Variants in WNT2 observed in about 807,000 individuals in gnomAD.
WNT2 encodes the protein Wnt family member 2, also known as protein Wnt-2.
In WNT2, 12 loss-of-function variants were observed where a neutral mutation model predicts 36.9. That is an observed-to-expected ratio of 0.33 (90% CI 0.21 to 0.53). The LOEUF (loss-of-function observed/expected upper bound fraction) is 0.53. WNT2 is among the 20% of genes least tolerant of loss of function. The pLI is 0.95. For missense variants in WNT2, 379 were observed against 473.1 expected (o/e 0.80, Z 1.84); for synonymous variants, 163 against 174.6 (o/e 0.93, Z 0.52).
At chr7:117,308,573 A>C (rs1186713624) in intron 3 of WNT2, among the ~76,000 whole-genome samples, 2 of 152,222 alleles carry the variant, frequency 1.3e-5, no homozygotes, top group East Asian at 3.9e-4. Context: ...GACAGAAGTG[A>C]GCCTGGCAGA....
intron 4 of WNT2, among the ~76,000 whole-genome samples, chr7:117,281,668 G>T (rs895250837): frequency 6.6e-6 from 1 of 152,058 alleles, no homozygotes; most frequent in Non-Finnish European, 1.5e-5. Flanking sequence ...GCAGGGAGGA[G>T]GGCTGTTGGA....
At chr7:117,311,206 C>T (rs1026246641) in intron 3 of WNT2, among the ~76,000 whole-genome samples, 15 of 152,298 alleles carry the variant, frequency 9.8e-5, no homozygotes, top group African/African-American at 3.6e-4. Context: ...ACCACTTTTC[C>T]TTGTCGTTAA....
chr7:117,290,658 G>A (rs1794672404), intron 4 of WNT2, among the ~76,000 whole-genome samples: 1 of 152,198 alleles, frequency 6.6e-6, no homozygotes, highest in Admixed American at 6.5e-5. Context: ...TTATAACAGA[G>A]CAATGCAACA....
At chr7:117,293,878 G>A (rs1211761204) in intron 4 of WNT2, among the ~76,000 whole-genome samples, 5 of 152,088 alleles carry the variant, frequency 3.3e-5, no homozygotes. Context: ...ATCCCACTGA[G>A]TGAAAGGCAG....
At position 117,320,442 on chromosome 7, in the gene WNT2, G is replaced by A. The variant is rs77578820; in HGVS notation, c.310+125C>T. ...TCACCTGTAGAACAGGGACAATGAC[G>A]CCCAACTGAACAAACTTCTGATGGA... On this transcript the variant is annotated intron_variant, in intron 2 of 4. Coordinates refer to ENST00000265441, the MANE Select transcript of WNT2 (RefSeq NM_003391.3). 6.9e-4 allele frequency: 649 copies of A among 934,388 alleles called. 3 individuals carry two copies. The African/African-American group carries it at 9.1e-3, about 13-fold the overall frequency. 57.9% of individuals were successfully genotyped at this position (934,388 alleles called of 1,614,324 possible). A position where few individuals can be genotyped will look rare whatever the true frequency, so the allele number is the denominator to read the frequency against.
chr7:117,297,624 C>A lies in WNT2; in HGVS notation c.841G>T (p.Asp281Tyr). 1 of 1,609,230 alleles carries A rather than the reference C, an allele frequency of 6.2e-7. No individual in the cohort carries two copies. Among genetic ancestry groups the A allele is most frequent in the South Asian group, 1.1e-5 (1 of 90,976 alleles). The change falls in exon 4 of 5, where the codon GAC becomes TAC. Residue 281 changes from aspartate (D) to tyrosine (Y), a missense_variant. Physicochemically the swap from Asp to Tyr is radical, Grantham distance 160 (BLOSUM62 -3). Coordinates refer to ENST00000265441, the MANE Select transcript of WNT2 (RefSeq NM_003391.3). ...FENSPDYCIR[D>Y]REAGSLGTAG... is the part of the protein sequence containing the mutation. ...CTTTTGAACTTACCTGCCTCTCGGTCCCTGATACAGTAGTCTGGAGAATTC... is the reference window on the plus strand; with the variant it reads ...CTTTTGAACTTACCTGCCTCTCGGTACCTGATACAGTAGTCTGGAGAATTC...
intron 2 of WNT2, among the ~76,000 whole-genome samples, chr7:117,317,659 CA>C (rs1038612011): frequency 6.6e-6 from 1 of 152,208 alleles, no homozygotes; most frequent in Non-Finnish European, 1.5e-5. Flanking sequence ...ACAGCTATCA[CA>C]AAATGAAACA....
At chr7:117,279,929 C>T (rs958863431) in intron 4 of WNT2, among the ~76,000 whole-genome samples, 2 of 152,092 alleles carry the variant, frequency 1.3e-5, no homozygotes, top group African/African-American at 4.8e-5. Flanking sequence ...CTGACGATGC[C>T]TCGTGACTGT....
In WNT2 at chr7:117,322,536, T is replaced by TACAC. The variant is rs144898264; in HGVS notation, c.83+367_83+370dup. ...GCGGTTGTAGTTTTCAAGGTGAATT[T>TACAC]ACACACACACACACACACACACACA... On this transcript the variant is annotated intron_variant, in intron 1 of 4. Coordinates refer to ENST00000265441, the MANE Select transcript of WNT2 (RefSeq NM_003391.3). This position sits in a 1 kb window ranked among gnomAD's most constrained non-coding sequence, Gnocchi z 5.4. Among the ~76,000 whole-genome samples the TACAC allele has an allele frequency of 0.11, 14,352 of 127,772 alleles. 864 individuals are homozygous for TACAC. Among genetic ancestry groups the TACAC allele is most frequent in the East Asian group, 0.22 (913 of 4,208 alleles). The allele number at this position is 127,772 out of a possible 152,430, so 83.8% of individuals were successfully genotyped here.
At position 117,322,409 on chromosome 7, in the gene WNT2, A is replaced by G. The variant is rs117043842; in HGVS notation, c.83+498T>C. Among the ~76,000 whole-genome samples the G allele has an allele frequency of 5.9e-3, 890 of 151,572 alleles. 6 individuals carry two copies. Among genetic ancestry groups the G allele is most frequent in the Middle Eastern group, 0.027 (8 of 292 alleles). On this transcript the variant is annotated intron_variant, in intron 1 of 4. Transcript: ENST00000265441. This position sits in a 1 kb window ranked among gnomAD's most constrained non-coding sequence, Gnocchi z 5.4. Reference sequence around the variant, plus strand: ...GGAATGTGGAAGGACGGGAAATAATACAAAGTCACACGCTTTAGGTTCTAC... The same window carrying G: ...GGAATGTGGAAGGACGGGAAATAATGCAAAGTCACACGCTTTAGGTTCTAC...
intron 1 of WNT2, among the ~76,000 whole-genome samples, chr7:117,321,713 C>A (rs1364688463): frequency 6.6e-6 from 1 of 152,126 alleles, no homozygotes; most frequent in African/African-American, 2.4e-5. Context: ...AGCTGAGAGA[C>A]AATGTGACAA....
intron 4 of WNT2, 72 bp from the exon 5 acceptor site, chr7:117,278,456 A>T: frequency 7.0e-7 from 1 of 1,431,358 alleles, no homozygotes; most frequent in Non-Finnish European, 9.5e-7. Flanking sequence ...AGGAGGAGTC[A>T]CGAGGTCCAT....
intron 3 of WNT2, chr7:117,301,060 C>T (rs961977985): frequency 6.6e-6 from 1 of 151,862 alleles, no homozygotes; most frequent in Non-Finnish European, 1.5e-5. Context: ...TTTTTTAGTG[C>T]CTTTGGGATC....
At chr7:117,321,219 T>G (rs1164232568) in intron 1 of WNT2, among the ~76,000 whole-genome samples, 1 of 152,236 alleles carries the variant, frequency 6.6e-6, no homozygotes, top group Non-Finnish European at 1.5e-5. Context: ...GAAGCTGACC[T>G]TAGAAGCTCT....
At chr7:117,319,507 G>A (rs139646634) in intron 2 of WNT2, among the ~76,000 whole-genome samples, 1 of 131,646 alleles carries the variant, frequency 7.6e-6, no homozygotes, top group East Asian at 2.2e-4. Flanking sequence ...CAGTCTGGAT[G>A]ATTTTCTTAG....
At chr7:117,278,466 T>C in intron 4 of WNT2, 82 bp from the exon 5 acceptor site, 1 of 1,369,228 alleles carries the variant, frequency 7.3e-7, no homozygotes, top group East Asian at 2.5e-5. Flanking sequence ...ACGAGGTCCA[T>C]CCTCCAGGAC....
intron 4 of WNT2, among the ~76,000 whole-genome samples, chr7:117,279,046 C>A (rs75106045): frequency 6.6e-6 from 1 of 152,228 alleles, no homozygotes; most frequent in African/African-American, 2.4e-5. Context: ...AGGTCCCAGG[C>A]GAAGCCAGGA....
At chr7:117,297,472 G>T in intron 4 of WNT2, 140 bp downstream of exon 4, 2 of 1,164,740 alleles carry the variant, frequency 1.7e-6, no homozygotes, top group Non-Finnish European at 2.4e-6. Context: ...GCCCAGCCCT[G>T]TACAGTTTCA....
chr7:117,312,533 CT>C (rs1795140926), intron 3 of WNT2, among the ~76,000 whole-genome samples: 1 of 152,188 alleles, frequency 6.6e-6, no homozygotes, highest in African/African-American at 2.4e-5. Flanking sequence ...AGCATGGTTT[CT>C]TTAGACCTAA....
Sources: gnomAD v4.1 joint callset for allele counts (sites outside exome capture counted in the v4.1 genomes callset) on GRCh38, gnomAD v4.1.1 for gene constraint, Gnocchi (gnomAD v3.1) non-coding constraint, MANE v1.5 for transcripts, NCBI Gene and HGNC (gene_info 2026-07-23, HGNC 2026-07-21) for gene names.